Variants in ERICH3 observed in about 807,000 individuals in gnomAD.
ERICH3 encodes the protein glutamate-rich protein 3.
In ERICH3, 126 loss-of-function variants were observed where a neutral mutation model predicts 131.1. The observed-to-expected ratio is 0.96, with a 90% CI of 0.83 to 1.11. The LOEUF (loss-of-function observed/expected upper bound fraction) is 1.11. Ranked by LOEUF, ERICH3 falls within the 50% of genes most tolerant of loss-of-function variation. The pLI, the probability that ERICH3 is intolerant of heterozygous loss-of-function variation, is 0.00. For synonymous variants in ERICH3, 695 were observed against 644.6 expected, an observed-to-expected ratio of 1.08 and a Z score of -1.18; for missense variants, 2,050 against 1,810.7, an observed-to-expected ratio of 1.13 and a Z score of -2.40.
chr1:74,610,525 A>AC (rs1439705589), intron 9 of ERICH3, among the ~76,000 whole-genome samples: 5 of 150,174 alleles, frequency 3.3e-5, no homozygotes, highest in Non-Finnish European at 7.4e-5. Context: ...AGAAATTTCC[A>AC]CCCTTTATGT....
At chr1:74,634,537 A>G (rs1557693507) in intron 6 of ERICH3, 1 of 602,496 alleles carries the variant, frequency 1.7e-6, no homozygotes, top group Non-Finnish European at 3.0e-6. Context: ...ATTAAAGGAA[A>G]AAAAAATTGC....
rs1570831297 is a variant in ERICH3, at chr1:74,590,080, T to G, written c.1727A>C (p.Asp576Ala). The G allele has an allele frequency of 1.9e-6, 3 of 1,575,792 alleles. No individual in the cohort carries two copies. Among genetic ancestry groups the G allele is most frequent in the Admixed American group, 3.8e-5 (2 of 52,876 alleles). Residue 576 changes from aspartate (D) to alanine (A), a missense_variant and splice_region_variant, in exon 12 of 15, where the codon GAT becomes GCT. Transcript: ENST00000326665. The stretch of plus-strand genomic sequence containing the variant: ...TGAGGTTGATGAAGCAGTTTTCATA[T>G]CTACAAAAAATAAAAGTGATGACAT... ...SESELEEDKQ[D>A]MKTASSTSSR... is the part of the protein sequence containing the mutation.
intron 7 of ERICH3, among the ~76,000 whole-genome samples, chr1:74,630,754 A>G (rs1646320250): frequency 6.6e-6 from 1 of 152,054 alleles, no homozygotes; most frequent in South Asian, 2.1e-4. Flanking sequence ...TCCAAATTAG[A>G]GAGAATGACA....
chr1:74,611,654 C>T (rs1207041497), intron 9 of ERICH3, among the ~76,000 whole-genome samples: 1 of 152,186 alleles, frequency 6.6e-6, no homozygotes, highest in East Asian at 1.9e-4. Context: ...GCTGGCCAAG[C>T]TACCTTAGAC....
intron 5 of ERICH3, among the ~76,000 whole-genome samples, chr1:74,636,738 T>C (rs1217308157): frequency 6.6e-6 from 1 of 152,204 alleles, no homozygotes; most frequent in African/African-American, 2.4e-5. Context: ...TGACAATAAC[T>C]AATTTATGCT....
At chr1:74,640,944 G>A (rs531529930) in intron 5 of ERICH3, among the ~76,000 whole-genome samples, 1 of 152,226 alleles carries the variant, frequency 6.6e-6, no homozygotes, top group African/African-American at 2.4e-5. Context: ...ATTGAAGGGT[G>A]CTAAAGAGTA....
rs1415225254 is a variant in ERICH3, at chr1:74,572,673, G to A, written c.3037C>T (p.Pro1013Ser). Residue 1013 changes from proline to serine, a missense_variant, in exon 14 of 15, where the codon CCT becomes TCT. Transcript: ENST00000326665. ...ASRMQVSEGS[P>S]EEGSLAKEAF... ...TCCTTTGCAAGGCTTCCTTCCTCAGGGCTGCCCTCCGAAACCTGCATCCGG... is the reference window on the plus strand; with the variant it reads ...TCCTTTGCAAGGCTTCCTTCCTCAGAGCTGCCCTCCGAAACCTGCATCCGG... 4 of 1,613,686 alleles carry A rather than the reference G, an allele frequency of 2.5e-6. No homozygotes were observed. The highest frequency in any genetic ancestry group is 1.1e-5 in the South Asian group (1 of 91,064).
At chr1:74,612,515 T>C in intron 9 of ERICH3, 108 bp downstream of exon 9, 1 of 976,308 alleles carries the variant, frequency 1.0e-6, no homozygotes, top group South Asian at 2.7e-5. Context: ...TGTAGGCCCA[T>C]CTATACTGAA....
In ERICH3 at chr1:74,573,195, C is replaced by G. The variant is rs200840954; in HGVS notation, c.2515G>C (p.Ala839Pro). The change falls in exon 14 of 15, where the codon GCA becomes CCA. Residue 839 changes from alanine (A) to proline (P), a missense_variant. Physicochemically the swap from Ala to Pro is conservative, Grantham distance 27 (BLOSUM62 -1). Coordinates refer to ENST00000326665, the MANE Select transcript of ERICH3 (RefSeq NM_001002912.5). ...CCTTCTGCTTCTGCTGCTCCCTCTGCCCCCCTTTCTATGCCTGGAGGGATC... is the reference window on the plus strand; with the variant it reads ...CCTTCTGCTTCTGCTGCTCCCTCTGGCCCCCTTTCTATGCCTGGAGGGATC... The part of the protein sequence containing the change: ...REIPPGIERG[A>P]EGAAEAEGVR... 1 of 1,612,706 alleles carries G rather than the reference C, an allele frequency of 6.2e-7. No homozygotes were observed. Among genetic ancestry groups the G allele is most frequent in the Admixed American group, 1.7e-5 (1 of 59,930 alleles).
At chr1:74,628,925 A>C (rs1219348846) in intron 7 of ERICH3, among the ~76,000 whole-genome samples, 1 of 152,158 alleles carries the variant, frequency 6.6e-6, no homozygotes, top group Non-Finnish European at 1.5e-5. Context: ...TTTCATTATA[A>C]CTCAAGAATT....
chr1:74,601,020 G>A (rs545464290), intron 10 of ERICH3, among the ~76,000 whole-genome samples: 1 of 151,818 alleles, frequency 6.6e-6, no homozygotes, highest in African/African-American at 2.4e-5. Context: ...TACAGAGGAT[G>A]AGGGAGATGT....
At chr1:74,629,447 G>A (rs886618801) in intron 7 of ERICH3, among the ~76,000 whole-genome samples, 1 of 152,112 alleles carries the variant, frequency 6.6e-6, no homozygotes, top group Non-Finnish European at 1.5e-5. Flanking sequence ...GATAAGGTCT[G>A]TCAAAGCCAG....
At chr1:74,598,398 A>T (rs754727018) in intron 11 of ERICH3, among the ~76,000 whole-genome samples, 1 of 151,888 alleles carries the variant, frequency 6.6e-6, no homozygotes, top group Non-Finnish European at 1.5e-5. Flanking sequence ...TAACCTTTGG[A>T]TTAGGAGAAG....
intron 13 of ERICH3, among the ~76,000 whole-genome samples, chr1:74,575,122 T>C (rs1647028123): frequency 6.6e-6 from 1 of 152,190 alleles, no homozygotes; most frequent in Admixed American, 6.5e-5. Context: ...AGTCCTGATC[T>C]TACTCACTTC....
intron 8 of ERICH3, among the ~76,000 whole-genome samples, chr1:74,615,743 A>AT (rs1648926823): frequency 6.6e-6 from 1 of 152,136 alleles, no homozygotes. Flanking sequence ...GAATCCATGC[A>AT]TTTTTTCCGG....
At chr1:74,668,937 T>C (rs1374919681) in intron 1 of ERICH3, among the ~76,000 whole-genome samples, 1 of 152,174 alleles carries the variant, frequency 6.6e-6, no homozygotes, top group Non-Finnish European at 1.5e-5. Context: ...ACTAGAATGT[T>C]ACTGTAGCTA....
At chr1:74,662,553 A>G (rs989013546) in intron 1 of ERICH3, among the ~76,000 whole-genome samples, 2 of 152,176 alleles carry the variant, frequency 1.3e-5, no homozygotes, top group Non-Finnish European at 2.9e-5. Context: ...GAAGGCAAAT[A>G]TCATTTTGTT....
chr1:74,599,256 C>A (rs1421845170), intron 11 of ERICH3, among the ~76,000 whole-genome samples: 2 of 151,800 alleles, frequency 1.3e-5, no homozygotes, highest in Admixed American at 1.3e-4. Flanking sequence ...CCTTTACATT[C>A]TAAAATAGTT....
At chr1:74,659,132 G>A (rs1390717026) in intron 1 of ERICH3, among the ~76,000 whole-genome samples, 1 of 152,186 alleles carries the variant, frequency 6.6e-6, no homozygotes, top group Non-Finnish European at 1.5e-5. Context: ...GTCTGAGCCA[G>A]TAGAAGAGAA....
Sources: gnomAD v4.1 joint callset for allele counts (sites outside exome capture counted in the v4.1 genomes callset) on GRCh38, gnomAD v4.1.1 for gene constraint, MANE v1.5 for transcripts, NCBI Gene and HGNC (gene_info 2026-07-23, HGNC 2026-07-21) for gene names.